The following TRPC5 variants were observed in gnomAD, a reference collection of about 807,000 sequenced individuals.
TRPC5 encodes short transient receptor potential channel 5.
Under a neutral mutation model 56.5 loss-of-function variants are expected in TRPC5, and 9 were observed. The ratio of observed to expected loss-of-function variants is 0.16; its 90% CI spans 0.10 to 0.28. The LOEUF is 0.28. Ranked by LOEUF, TRPC5 falls within the 10% of genes least tolerant of loss-of-function variation. The probability of loss-of-function intolerance (pLI) is 1.00; values close to 1 mark genes in which losing one functional copy is unlikely to be tolerated. For missense variants in TRPC5, 469 were observed against 748.9 expected (o/e 0.63, Z 4.36); for synonymous variants, 282 against 278.5 (o/e 1.01, Z -0.13).
chrX:111,958,240 C>T (rs1377828684), intron 1 of TRPC5, among the ~76,000 whole-genome samples: 3 of 112,031 alleles, frequency 2.7e-5, no homozygotes, highest in East Asian at 2.8e-4. Context: ...TTCAAGACCA[C>T]GCTTTCAAGC....
Position 111,853,801 on chromosome X carries a change from G to A in TRPC5, c.1206C>T (p.Val402=), listed in dbSNP as rs763269641. ...CCCAAGGCAATATCATCCATTCCAC[G>A]ACAGTTGGGGGAGGCCCCTGTACAT... ...DLHVQGPPPT[V]VEWMILPWVL... is the part of the protein sequence containing the mutation. Residue 402 remains valine, a synonymous_variant, in exon 4 of 11, where the codon GTC becomes GTT. Coordinates refer to ENST00000262839, the MANE Select transcript of TRPC5 (RefSeq NM_012471.3). The A allele has an allele frequency of 7.4e-6, 9 of 1,210,071 alleles. No individual in the cohort carries two copies. The East Asian group carries it at 1.8e-4, about 24-fold the overall frequency.
At chrX:111,803,689 A>T (rs1298505565) in intron 7 of TRPC5, among the ~76,000 whole-genome samples, 1 of 111,270 alleles carries the variant, frequency 9.0e-6, no homozygotes, top group Non-Finnish European at 1.9e-5. Flanking sequence ...GAACTTTTTG[A>T]TGGGGTTTTT....
At chrX:111,825,478 G>C (rs1442118389) in intron 7 of TRPC5, among the ~76,000 whole-genome samples, 5 of 109,030 alleles carry the variant, frequency 4.6e-5, no homozygotes, top group Non-Finnish European at 9.5e-5. Context: ...TCTCAAACTT[G>C]AATTCCTGGT....
At chrX:111,800,536 G>A (rs1043621890) in intron 7 of TRPC5, among the ~76,000 whole-genome samples, 8 of 110,623 alleles carry the variant, frequency 7.2e-5, no homozygotes, top group Admixed American at 5.8e-4. Context: ...AGGCCAAGGC[G>A]GGGGGATCAC....
chrX:112,044,244 G>A (rs1048293454), intron 1 of TRPC5, among the ~76,000 whole-genome samples: 1 of 111,837 alleles, frequency 8.9e-6, no homozygotes, highest in Admixed American at 9.5e-5. Flanking sequence ...GAAGGGTACT[G>A]GGTCTCCTGA....
At chrX:111,805,351 T>C (rs1921466905) in intron 7 of TRPC5, among the ~76,000 whole-genome samples, 1 of 111,678 alleles carries the variant, frequency 9.0e-6, no homozygotes, top group Admixed American at 9.6e-5. Flanking sequence ...GGTATCAATA[T>C]GATGTTGGCC....
chrX:111,911,409 A>T (rs1044825045), intron 3 of TRPC5, among the ~76,000 whole-genome samples: 6 of 112,517 alleles, frequency 5.3e-5, no homozygotes, highest in Admixed American at 1.9e-4. Flanking sequence ...ATGCCCTGAA[A>T]ATAGGAGTGA....
At chrX:111,912,167 T>C in intron 3 of TRPC5, 124 bp downstream of exon 3, 1 of 804,651 alleles carries the variant, frequency 1.2e-6, no homozygotes, top group Non-Finnish European at 1.8e-6. Flanking sequence ...GGCCTAGCTG[T>C]GAGGCCTGCC....
At chrX:111,819,761 C>T (rs1473489346) in intron 7 of TRPC5, among the ~76,000 whole-genome samples, 1 of 111,649 alleles carries the variant, frequency 9.0e-6, no homozygotes, top group Non-Finnish European at 1.9e-5. Context: ...GCCATACTTC[C>T]ATCTTATAGA....
chrX:112,042,289 C>T (rs746767246), intron 1 of TRPC5, among the ~76,000 whole-genome samples: 8 of 111,321 alleles, frequency 7.2e-5, no homozygotes, highest in South Asian at 7.7e-4. Flanking sequence ...ATGCAGGATC[C>T]GCGAGAAAGG....
chrX:111,856,092 C>T (rs1337576705), intron 3 of TRPC5, among the ~76,000 whole-genome samples: 1 of 111,079 alleles, frequency 9.0e-6, no homozygotes, highest in Non-Finnish European at 1.9e-5. Context: ...ATGGCTAAGG[C>T]ATAGAGGTGA....
intron 3 of TRPC5, among the ~76,000 whole-genome samples, chrX:111,904,631 TG>T (rs1282978046): frequency 9.3e-6 from 1 of 107,996 alleles, no homozygotes; most frequent in African/African-American, 3.4e-5. Flanking sequence ...TGGGGCCTGT[TG>T]GGGGCTGGGG....
At chrX:111,950,186 G>C (rs902980552) in intron 2 of TRPC5, among the ~76,000 whole-genome samples, 1 of 110,462 alleles carries the variant, frequency 9.1e-6, no homozygotes, top group African/African-American at 3.3e-5. Flanking sequence ...TTAGCCAGGC[G>C]TGGTGGCAGG....
chrX:111,889,036 A>G (rs1267492150), intron 3 of TRPC5, among the ~76,000 whole-genome samples: 1 of 112,280 alleles, frequency 8.9e-6, no homozygotes, highest in Non-Finnish European at 1.9e-5. Flanking sequence ...ACAGGAATCA[A>G]TGTAATGAAA....
intron 7 of TRPC5, among the ~76,000 whole-genome samples, chrX:111,810,613 C>T (rs944657402): frequency 2.7e-4 from 30 of 111,694 alleles, no homozygotes; most frequent in Non-Finnish European, 4.5e-4. Context: ...AAAAAGATTT[C>T]ATAACATTTA....
intron 1 of TRPC5, among the ~76,000 whole-genome samples, chrX:111,960,967 A>G (rs1339666293): frequency 1.8e-5 from 2 of 110,733 alleles, no homozygotes; most frequent in East Asian, 5.6e-4. Flanking sequence ...ATGCACTACT[A>G]TGCCCGGCTA....
At chrX:112,029,409 G>C (rs961406685) in intron 1 of TRPC5, among the ~76,000 whole-genome samples, 9 of 111,751 alleles carry the variant, frequency 8.1e-5, no homozygotes, top group African/African-American at 2.9e-4. Context: ...TGGACACTTA[G>C]GTTGCTTCCA....
intron 2 of TRPC5, among the ~76,000 whole-genome samples, chrX:111,949,441 C>T (rs969452543): frequency 6.3e-5 from 7 of 111,999 alleles, no homozygotes; most frequent in African/African-American, 2.3e-4. Flanking sequence ...ATCTGTACAT[C>T]TGACAAAGGA....
intron 1 of TRPC5, among the ~76,000 whole-genome samples, chrX:111,982,706 G>T (rs773047544): frequency 9.0e-6 from 1 of 111,512 alleles, no homozygotes; most frequent in African/African-American, 3.3e-5. Context: ...CAAGTCAATG[G>T]AGTTGTTGTT....
Sources: allele counts gnomAD v4.1 joint callset (sites outside exome capture counted in the v4.1 genomes callset), GRCh38; gene constraint gnomAD v4.1.1; transcripts MANE v1.5; gene names NCBI Gene and HGNC (gene_info 2026-07-23, HGNC 2026-07-21).